PARD3: variants seen among roughly 807,000 people sequenced by gnomAD.
PARD3 encodes the protein par-3 family cell polarity regulator.
PARD3 carries 75 observed loss-of-function variants against 155.4 expected under a neutral mutation model. The ratio of observed to expected loss-of-function variants is 0.48; its 90% CI spans 0.40 to 0.58. The LOEUF is 0.58. PARD3 is among the 20% of genes least tolerant of loss of function. PARD3 has a pLI of 0.00. For synonymous variants in PARD3, 576 were observed against 610.5 expected, an observed-to-expected ratio of 0.94 and a Z score of 0.83; for missense variants, 1,642 against 1,721.7, an observed-to-expected ratio of 0.95 and a Z score of 0.82.
intron 22 of PARD3, among the ~76,000 whole-genome samples, chr10:34,254,357 C>T (rs1425511343): frequency 3.3e-5 from 5 of 151,318 alleles, no homozygotes; most frequent in African/African-American, 7.3e-5. Context: ...CCAGCCTGGG[C>T]GACAGAGCAA....
At chr10:34,265,701 T>C (rs1955265871) in intron 22 of PARD3, among the ~76,000 whole-genome samples, 1 of 152,226 alleles carries the variant, frequency 6.6e-6, no homozygotes, top group Non-Finnish European at 1.5e-5. Flanking sequence ...AGTATAAGCA[T>C]ATTCTAGATC....
At chr10:34,675,118 T>C (rs7893932) in intron 2 of PARD3, among the ~76,000 whole-genome samples, 40,550 of 152,118 alleles carry the variant, frequency 0.27, 5,591 homozygotes, top group South Asian at 0.37. Context: ...CTATTAATAC[T>C]TCCTTGAAAA....
intron 1 of PARD3, among the ~76,000 whole-genome samples, chr10:34,763,984 A>T (rs755759965): frequency 8.5e-5 from 13 of 152,180 alleles, no homozygotes; most frequent in Non-Finnish European, 1.5e-4. Flanking sequence ...TTTACCAATA[A>T]ATAGGCACTG....
chr10:34,327,750 C>T (rs768573980), intron 19 of PARD3, among the ~76,000 whole-genome samples: 1 of 152,112 alleles, frequency 6.6e-6, no homozygotes, highest in South Asian at 2.1e-4. Context: ...TCTGCCTAGA[C>T]GAGGGTCCTC....
rs147643297 is a variant in PARD3 at position 34,556,474 on chromosome 10, C to G, written c.223-39315G>C. 4.6e-3 allele frequency among the ~76,000 whole-genome samples: 704 copies of G among 151,970 alleles called. 5 individuals carry two copies. The highest frequency in any genetic ancestry group is 7.4e-3 in the Non-Finnish European group (504 of 67,936). ...CTCCGCTCACTGCAAGCTCCGCCTCCCAGGTTCACGCCATTCTCTCGCCTC... is the reference window on the plus strand; with the variant it reads ...CTCCGCTCACTGCAAGCTCCGCCTCGCAGGTTCACGCCATTCTCTCGCCTC... On this transcript the variant is annotated intron_variant, in intron 2 of 24. Coordinates refer to ENST00000374788, the MANE Select transcript of PARD3 (RefSeq NM_001184785.2).
intron 18 of PARD3, among the ~76,000 whole-genome samples, chr10:34,335,291 T>C (rs766133411): frequency 1.3e-5 from 2 of 151,968 alleles, no homozygotes; most frequent in Non-Finnish European, 2.9e-5. Flanking sequence ...AATTTTTACA[T>C]ATATATATGT....
At chr10:34,166,571 G>A (rs981646942) in intron 22 of PARD3, among the ~76,000 whole-genome samples, 1 of 151,920 alleles carries the variant, frequency 6.6e-6, no homozygotes, top group Admixed American at 6.6e-5. Context: ...TGAGCCTACA[G>A]TGAACCATGA....
At chr10:34,760,333 CTTTT>C (rs992734813) in intron 1 of PARD3, among the ~76,000 whole-genome samples, 1 of 151,966 alleles carries the variant, frequency 6.6e-6, no homozygotes, top group Non-Finnish European at 1.5e-5. Flanking sequence ...CAATCTACTA[CTTTT>C]TTTGTTTGTT....
intron 12 of PARD3, among the ~76,000 whole-genome samples, chr10:34,368,159 G>C (rs572651144): frequency 2.4e-4 from 36 of 152,220 alleles, no homozygotes; most frequent in African/African-American, 7.2e-4. Flanking sequence ...CTGAGAAAAA[G>C]AATCGCTTGA....
intron 5 of PARD3, among the ~76,000 whole-genome samples, chr10:34,449,649 TC>T (rs5784418): frequency 0.45 from 67,541 of 151,592 alleles, 17,510 homozygotes; most frequent in African/African-American, 0.72. Flanking sequence ...TTCTGAGTCT[TC>T]CATATGAAAG....
Position 34,310,724 on chromosome 10 carries a change from G to A in PARD3, c.3065+6383C>T, listed in dbSNP as rs114214056. Among the ~76,000 whole-genome samples the A allele has an allele frequency of 3.0e-3, 458 of 152,272 alleles. 2 individuals carry two copies. Among genetic ancestry groups the A allele is most frequent in the African/African-American group, 0.01 (423 of 41,550 alleles). The stretch of plus-strand genomic sequence containing the variant: ...AGAACTTGTCTTTGCTAGCAGGTCA[G>A]TTGGACATTTATTTTCCTGTGTTAA... On this transcript the variant is annotated intron_variant, in intron 20 of 24. Transcript: ENST00000374788.
chr10:34,534,373 G>T (rs1434215469), intron 2 of PARD3, among the ~76,000 whole-genome samples: 1 of 152,230 alleles, frequency 6.6e-6, no homozygotes, highest in East Asian at 1.9e-4. Context: ...TCCAAAGGAC[G>T]GGCGTGCCTC....
At chr10:34,506,584 T>C (rs1001006763) in intron 3 of PARD3, among the ~76,000 whole-genome samples, 2 of 152,136 alleles carry the variant, frequency 1.3e-5, no homozygotes, top group African/African-American at 4.8e-5. Flanking sequence ...GAGAGTATAA[T>C]GTTATCTAAG....
intron 23 of PARD3, among the ~76,000 whole-genome samples, chr10:34,123,510 C>A (rs1947116310): frequency 6.6e-6 from 1 of 152,012 alleles, no homozygotes; most frequent in African/African-American, 2.4e-5. Context: ...GGCACAATTA[C>A]AGCTCACTGC....
At chr10:34,279,106 C>T (rs1468216716) in intron 21 of PARD3, among the ~76,000 whole-genome samples, 3 of 143,826 alleles carry the variant, frequency 2.1e-5, no homozygotes, top group Non-Finnish European at 3.0e-5. Context: ...ATGCCTAACG[C>T]TTAATTTTCC....
At chr10:34,799,166 C>T (rs1588811738) in intron 1 of PARD3, among the ~76,000 whole-genome samples, 1 of 152,114 alleles carries the variant, frequency 6.6e-6, no homozygotes, top group Admixed American at 6.5e-5. Flanking sequence ...CTCAGCCTCC[C>T]GAGTAGCTGG....
At chr10:34,349,580 T>TAAAAAAAAAAAAAAAAAAAAA in intron 14 of PARD3, among the ~76,000 whole-genome samples, 1 of 44,712 alleles carries the variant, frequency 2.2e-5, no homozygotes, top group African/African-American at 1.1e-4. Context: ...TCTGGGAAAG[T>TAAAAAAAAAAAAAAAAAAAAA]AAAAAAAAAA....
At chr10:34,493,665 G>C (rs1181900362) in intron 3 of PARD3, among the ~76,000 whole-genome samples, 1 of 151,708 alleles carries the variant, frequency 6.6e-6, no homozygotes, top group East Asian at 1.9e-4. Flanking sequence ...CTGGGAGGCG[G>C]AGACTGCAGT....
intron 4 of PARD3, among the ~76,000 whole-genome samples, chr10:34,468,786 C>T (rs1331267285): frequency 6.6e-6 from 1 of 151,972 alleles, no homozygotes; most frequent in African/African-American, 2.4e-5. Context: ...AGAATTACTA[C>T]AGAGAGGAGT....
Sources: allele counts gnomAD v4.1 joint callset (sites outside exome capture counted in the v4.1 genomes callset), GRCh38; gene constraint gnomAD v4.1.1; transcripts MANE v1.5; gene names NCBI Gene and HGNC (gene_info 2026-07-23, HGNC 2026-07-21).